Variants in RBM46 observed in about 807,000 individuals in gnomAD.
RBM46 encodes the protein RNA binding motif protein 46.
A neutral mutation model predicts 43.3 loss-of-function variants in RBM46; 12 were observed. The observed-to-expected ratio is 0.28, with a 90% CI of 0.18 to 0.45. The LOEUF (loss-of-function observed/expected upper bound fraction) is 0.45, where lower values mean the gene tolerates loss of function less well. RBM46 is among the 20% of genes least tolerant of loss of function. RBM46 has a pLI of 1.00. For synonymous variants in RBM46, 205 were observed against 207.6 expected, an observed-to-expected ratio of 0.99 and a Z score of 0.11; for missense variants, 412 against 639.1, an observed-to-expected ratio of 0.64 and a Z score of 3.83.
chr4:154,794,124 A>C (rs1734231272), intron 1 of RBM46, among the ~76,000 whole-genome samples: 1 of 146,378 alleles, frequency 6.8e-6, no homozygotes, highest in Admixed American at 6.8e-5. Context: ...TTCCACCTCA[A>C]CCTCTCTGGC....
intron 4 of RBM46, among the ~76,000 whole-genome samples, chr4:154,802,905 A>G (rs1301312543): frequency 6.6e-6 from 1 of 152,150 alleles, no homozygotes; most frequent in East Asian, 1.9e-4. Context: ...ATATAAAGTC[A>G]TTTTTTAAAT....
chr4:154,803,502 A>C (rs898315342), intron 4 of RBM46, among the ~76,000 whole-genome samples: 2 of 151,978 alleles, frequency 1.3e-5, no homozygotes, highest in African/African-American at 4.8e-5. Flanking sequence ...GGAGATAGAG[A>C]CCATCCTGGC....
In RBM46 at chr4:154,811,651, A is replaced by ATGTGTG. The variant is rs751963103; in HGVS notation, c.1402+12099_1402+12104dup. On this transcript the variant is annotated intron_variant, in intron 4 of 4. Transcript: ENST00000281722. ...CACAGTTCCTTGTGGTAGATAGGAT[A>ATGTGTG]TGTGTGTGTGTGTGTGTCTGTGTGT... Among the ~76,000 whole-genome samples the ATGTGTG allele has an allele frequency of 6.6e-4, 87 of 132,618 alleles. No individual in the cohort carries two copies. The East Asian group carries it at 7.7e-3, about 12-fold the overall frequency. The allele number at this position is 132,618 out of a possible 152,430, so 87.0% of individuals were successfully genotyped here.
intron 4 of RBM46, among the ~76,000 whole-genome samples, chr4:154,814,683 T>C (rs1735339562): frequency 6.6e-6 from 1 of 152,036 alleles, no homozygotes; most frequent in Non-Finnish European, 1.5e-5. Context: ...TATTTCTATG[T>C]AGCATCTGTA....
intron 1 of RBM46, among the ~76,000 whole-genome samples, chr4:154,788,966 T>C (rs1001680127): frequency 1.3e-5 from 2 of 152,102 alleles, no homozygotes; most frequent in South Asian, 2.1e-4. Context: ...CTTCACATGA[T>C]TTGGCTCTCT....
In RBM46 at chr4:154,812,913, A is replaced by G. The variant is rs948859025; in HGVS notation, c.1402+13349A>G. On this transcript the variant is annotated intron_variant, in intron 4 of 4. Coordinates refer to ENST00000281722, the MANE Select transcript of RBM46 (RefSeq NM_144979.5). The stretch of plus-strand genomic sequence containing the variant: ...TACTTTTATATTAAGCTGTTATTGG[A>G]CATAGTAACCCAAAATGACTTTTTC... Among the ~76,000 whole-genome samples the G allele has an allele frequency of 3.3e-5, 5 of 152,186 alleles. No individual in the cohort carries two copies. In the East Asian group the frequency reaches 7.7e-4, roughly 23 times the overall value.
chr4:154,810,578 AG>A (rs1291638503), intron 4 of RBM46, among the ~76,000 whole-genome samples: 1 of 152,186 alleles, frequency 6.6e-6, no homozygotes, highest in Non-Finnish European at 1.5e-5. Flanking sequence ...AGTCTAAAAG[AG>A]CAAAGTTTTA....
At chr4:154,804,959 A>T (rs1734840437) in intron 4 of RBM46, among the ~76,000 whole-genome samples, 1 of 152,066 alleles carries the variant, frequency 6.6e-6, no homozygotes, top group African/African-American at 2.4e-5. Context: ...GAAGGCAGAT[A>T]CACAAATTCT....
At chr4:154,782,764 A>G (rs998054736) in intron 1 of RBM46, among the ~76,000 whole-genome samples, 15 of 152,326 alleles carry the variant, frequency 9.8e-5, no homozygotes, top group South Asian at 2.1e-4. Flanking sequence ...TACAGGCGTG[A>G]GCCATCGCCG....
At chr4:154,820,368 G>C in intron 4 of RBM46, 1 of 1,522,638 alleles carries the variant, frequency 6.6e-7, no homozygotes, top group South Asian at 1.2e-5. Flanking sequence ...TACAGACAGG[G>C]AACACAATCT....
chr4:154,784,476 T>C (rs1237107926), intron 1 of RBM46, among the ~76,000 whole-genome samples: 3 of 152,254 alleles, frequency 2.0e-5, no homozygotes, highest in African/African-American at 7.2e-5. Flanking sequence ...TTCACATTGT[T>C]ACTTGAATAG....
intron 1 of RBM46, among the ~76,000 whole-genome samples, chr4:154,788,815 G>T (rs1281389800): frequency 6.6e-6 from 1 of 152,188 alleles, no homozygotes; most frequent in Non-Finnish European, 1.5e-5. Flanking sequence ...CTATCCATGA[G>T]CATGGAATGT....
chr4:154,806,595 C>A (rs1005080090), intron 4 of RBM46, among the ~76,000 whole-genome samples: 2 of 151,632 alleles, frequency 1.3e-5, no homozygotes, highest in Non-Finnish European at 3.0e-5. Flanking sequence ...AGTTTAATAT[C>A]CCTTCCTTTA....
chr4:154,822,277 G>A (rs1371651465), intron 4 of RBM46, among the ~76,000 whole-genome samples: 1 of 151,360 alleles, frequency 6.6e-6, no homozygotes, highest in African/African-American at 2.4e-5. Context: ...CTCTTTCTCA[G>A]GCAGCCACTC....
chr4:154,815,080 T>C (rs563722791), intron 4 of RBM46, among the ~76,000 whole-genome samples: 30 of 152,220 alleles, frequency 2.0e-4, no homozygotes, highest in African/African-American at 7.0e-4. Context: ...TTGAAACTTA[T>C]GTAACATTTT....
At chr4:154,787,071 A>G (rs1243704000) in intron 1 of RBM46, 1 of 152,172 alleles carries the variant, frequency 6.6e-6, no homozygotes, top group Non-Finnish European at 1.5e-5. Context: ...TTCTCTGGAG[A>G]TAGATCTTTA....
At position 154,806,615 on chromosome 4, in the gene RBM46, A is replaced by G. The variant is rs918682651; in HGVS notation, c.1402+7051A>G. Among the ~76,000 whole-genome samples the G allele has an allele frequency of 2.6e-5, 4 of 151,800 alleles. No homozygotes were observed. In the East Asian group the frequency reaches 5.8e-4, roughly 22 times the overall value. ...AATATCCCTTCCTTTATGGAATTCA[A>G]AGCTTATGCCCCCCTACTTCACAGC... On this transcript the variant is annotated intron_variant, in intron 4 of 4. Coordinates refer to ENST00000281722, the MANE Select transcript of RBM46 (RefSeq NM_144979.5).
chr4:154,828,085 G>C lies in RBM46; in HGVS notation c.*18G>C. On this transcript the variant is annotated 3_prime_UTR_variant, in exon 5 of 5. Transcript: ENST00000281722. Reference sequence around the variant, plus strand: ...TCTTCTGAAGAAAATACTAACATTAGTATGAAAATTTGTGTAAATTTGTAG... The same window carrying C: ...TCTTCTGAAGAAAATACTAACATTACTATGAAAATTTGTGTAAATTTGTAG... 6 of 1,535,376 alleles carry C rather than the reference G, an allele frequency of 3.9e-6. No homozygotes were observed. Among genetic ancestry groups the C allele is most frequent in the Non-Finnish European group, 5.4e-6 (6 of 1,109,860 alleles).
At chr4:154,820,189 T>A (rs1178579906) in intron 4 of RBM46, among the ~76,000 whole-genome samples, 1 of 152,068 alleles carries the variant, frequency 6.6e-6, no homozygotes, top group Non-Finnish European at 1.5e-5. Flanking sequence ...TTTGTTCATC[T>A]TTATAGAACT....
Sources: allele counts gnomAD v4.1 joint callset (sites outside exome capture counted in the v4.1 genomes callset), GRCh38; gene constraint gnomAD v4.1.1; transcripts MANE v1.5; gene names NCBI Gene and HGNC (gene_info 2026-07-23, HGNC 2026-07-21).